The following STK3 variants were observed in gnomAD, a reference collection of about 807,000 sequenced individuals.
The protein encoded by STK3 is serine/threonine-protein kinase 3.
A neutral mutation model predicts 58.0 loss-of-function variants in STK3; 41 were observed. The ratio of observed to expected loss-of-function variants is 0.71; its 90% CI spans 0.55 to 0.92. STK3 has a LOEUF of 0.92. Among genes scored for constraint, STK3 ranks in the 40% least tolerant of loss-of-function variants. STK3 has a pLI of 0.00. For missense variants in STK3, 479 were observed against 602.7 expected (o/e 0.79, Z 2.15); for synonymous variants, 170 against 191.0 (o/e 0.89, Z 0.91).
chr8:98,654,377 A>T (rs2130738232), intron 6 of STK3, among the ~76,000 whole-genome samples: 1 of 152,298 alleles, frequency 6.6e-6, no homozygotes, highest in African/African-American at 2.4e-5. Flanking sequence ...AGCCAATATC[A>T]TACTGAATGG....
chr8:98,825,449 T>G (rs1835194012), intron 1 of STK3, 66 bp downstream of exon 1: 1 of 1,395,558 alleles, frequency 7.2e-7, no homozygotes, highest in Non-Finnish European at 9.4e-7. Context: ...GGGCCTGGCC[T>G]AGCCACCCCC....
chr8:98,500,395 G>C lies in STK3; in HGVS notation c.1317+26347C>G, dbSNP rs547096145. On this transcript the variant is annotated intron_variant, in intron 10 of 10. Coordinates refer to ENST00000419617, the MANE Select transcript of STK3 (RefSeq NM_006281.4). Reference sequence around the variant, plus strand: ...ATTTTTTTTATACTTTAAGTTCTAGGGTACATGTGCACAACGTGCAGGTTT... The same window carrying C: ...ATTTTTTTTATACTTTAAGTTCTAGCGTACATGTGCACAACGTGCAGGTTT... 2.6e-5 allele frequency among the ~76,000 whole-genome samples: 4 copies of C among 152,188 alleles called. No individual in the cohort carries two copies. In the South Asian group the frequency reaches 8.3e-4, roughly 32 times the overall value.
intron 10 of STK3, among the ~76,000 whole-genome samples, chr8:98,515,473 A>G (rs1824858491): frequency 6.6e-6 from 1 of 152,120 alleles, no homozygotes; most frequent in Non-Finnish European, 1.5e-5. Flanking sequence ...CCATGTCTGT[A>G]TTCCTACTTT....
At chr8:98,559,219 T>C (rs1811824682) in intron 8 of STK3, among the ~76,000 whole-genome samples, 1 of 152,186 alleles carries the variant, frequency 6.6e-6, no homozygotes, top group African/African-American at 2.4e-5. Context: ...AACAGTTTTA[T>C]ACACGTGTTT....
chr8:98,716,474 G>A (rs1306899349), intron 4 of STK3, among the ~76,000 whole-genome samples: 2 of 151,498 alleles, frequency 1.3e-5, no homozygotes, highest in Non-Finnish European at 2.9e-5. Context: ...TTTCACCAAG[G>A]AGGTGAAATA....
At chr8:98,392,563 G>A (rs1182587409), upstream of STK3, among the ~76,000 whole-genome samples, 1 of 152,176 alleles carries the variant, frequency 6.6e-6, no homozygotes, top group African/African-American at 2.4e-5. Flanking sequence ...CCATGCCCTA[G>A]GAACTCTCAG....
chr8:98,680,964 T>C (rs1314750810), intron 6 of STK3, among the ~76,000 whole-genome samples: 1 of 151,478 alleles, frequency 6.6e-6, no homozygotes, highest in East Asian at 1.9e-4. Flanking sequence ...CCTTCTATAG[T>C]TTCTAACCCC....
At chr8:98,499,451 G>T (rs1471288683) in intron 10 of STK3, among the ~76,000 whole-genome samples, 1 of 152,206 alleles carries the variant, frequency 6.6e-6, no homozygotes, top group Non-Finnish European at 1.5e-5. Flanking sequence ...AGTGGCTTTG[G>T]ACTTGACAGT....
intron 9 of STK3, among the ~76,000 whole-genome samples, chr8:98,529,214 CCTAAAT>C (rs1825967908): frequency 6.6e-6 from 1 of 152,106 alleles, no homozygotes; most frequent in Non-Finnish European, 1.5e-5. Context: ...ATGAGGGAAG[CCTAAAT>C]CGATGCCTAC....
intron 8 of STK3, among the ~76,000 whole-genome samples, chr8:98,558,004 ATTACC>A (rs1811733762): frequency 6.6e-6 from 1 of 152,150 alleles, no homozygotes; most frequent in Non-Finnish European, 1.5e-5. Flanking sequence ...CAAACAAAAG[ATTACC>A]TTACATCTCC....
rs143744670 is a variant in STK3 at position 98,647,413 on chromosome 8, C to T, written c.685-51244G>A. Among the ~76,000 whole-genome samples the T allele has an allele frequency of 7.2e-5, 11 of 152,232 alleles. No individual in the cohort carries two copies. In the East Asian group the frequency reaches 1.9e-3, roughly 27 times the overall value. ...TTATATATTGTTTTATATCTATTGC[C>T]TCCTTCTAGGATGTAATCTCTGATA... On this transcript the variant is annotated intron_variant, in intron 6 of 10. Coordinates refer to ENST00000419617, the MANE Select transcript of STK3 (RefSeq NM_006281.4).
In STK3 at chr8:98,455,741, T is replaced by C. The variant is rs1819441592; in HGVS notation, c.*101A>G. ...TTGTCACTTTTTGACCTCTGCCTAA[T>C]TGTAGGGCAAAATCTTAGGATTAAA... On this transcript the variant is annotated 3_prime_UTR_variant, in exon 11 of 11. Coordinates refer to ENST00000419617, the MANE Select transcript of STK3 (RefSeq NM_006281.4). 2 of 1,464,440 alleles carry C rather than the reference T, an allele frequency of 1.4e-6. No individual in the cohort carries two copies. Among genetic ancestry groups the C allele is most frequent in the African/African-American group, 1.4e-5 (1 of 70,482 alleles). The allele number at this position is 1,464,440 out of a possible 1,614,324, so 90.7% of individuals were successfully genotyped here.
At chr8:98,764,925 G>T (rs1830850884) in intron 3 of STK3, among the ~76,000 whole-genome samples, 1 of 152,158 alleles carries the variant, frequency 6.6e-6, no homozygotes, top group Admixed American at 6.5e-5. Context: ...GGGAACCATG[G>T]GTTTTAAACA....
At chr8:98,439,721 C>T (rs111749457) in intron 1 of STK3, among the ~76,000 whole-genome samples, 1 of 152,314 alleles carries the variant, frequency 6.6e-6, no homozygotes, top group African/African-American at 2.4e-5. Context: ...TAATTAATGT[C>T]TCATTGCTGA....
intron 6 of STK3, among the ~76,000 whole-genome samples, chr8:98,608,693 G>C (rs572048339): frequency 3.0e-4 from 45 of 152,128 alleles, no homozygotes; most frequent in Non-Finnish European, 6.2e-4. Flanking sequence ...GGATGCCCTG[G>C]ACCACTAAAA....
At chr8:98,665,525 G>A (rs533788634) in intron 6 of STK3, among the ~76,000 whole-genome samples, 1 of 152,100 alleles carries the variant, frequency 6.6e-6, no homozygotes, top group African/African-American at 2.4e-5. Context: ...AGCCTCCGGA[G>A]CAGCTGGGAC....
chr8:98,553,610 T>C (rs1811367024), intron 8 of STK3, among the ~76,000 whole-genome samples: 1 of 152,174 alleles, frequency 6.6e-6, no homozygotes, highest in South Asian at 2.1e-4. Context: ...CAGTTGATCA[T>C]TTATTTAATA....
At chr8:98,882,308 C>G (rs1490252427), downstream of STK3, 1 of 151,454 alleles carries the variant, frequency 6.6e-6, no homozygotes, top group Non-Finnish European at 1.5e-5. Flanking sequence ...GGGTTCCTTT[C>G]TAATCAATGA....
At chr8:98,803,108 A>G (rs903282071) in intron 1 of STK3, among the ~76,000 whole-genome samples, 1 of 152,216 alleles carries the variant, frequency 6.6e-6, no homozygotes, top group Non-Finnish European at 1.5e-5. Context: ...GGTTTCTCAA[A>G]TAAACATTCA....
Sources: allele counts gnomAD v4.1 joint callset (sites outside exome capture counted in the v4.1 genomes callset), GRCh38; gene constraint gnomAD v4.1.1; transcripts MANE v1.5; gene names NCBI Gene and HGNC (gene_info 2026-07-23, HGNC 2026-07-21).